GRM5: variants seen among roughly 807,000 people sequenced by gnomAD.
GRM5 encodes metabotropic glutamate receptor 5.
Under a neutral mutation model 83.1 loss-of-function variants are expected in GRM5, and 19 were observed. That is an observed-to-expected ratio of 0.23 (90% CI 0.16 to 0.34). The LOEUF is 0.34. Ranked by LOEUF, GRM5 falls within the 10% of genes least tolerant of loss-of-function variation. GRM5 has a pLI of 1.00. For synonymous variants in GRM5, 675 were observed against 633.6 expected, an observed-to-expected ratio of 1.07 and a Z score of -0.98; for missense variants, 1,160 against 1,588.3, an observed-to-expected ratio of 0.73 and a Z score of 4.58.
intron 2 of GRM5, among the ~76,000 whole-genome samples, chr11:89,017,550 C>T (rs1313657809): frequency 3.9e-5 from 6 of 152,130 alleles, no homozygotes; most frequent in Admixed American, 3.9e-4. Flanking sequence ...ATGACTTAAT[C>T]CTTCCAACAA....
At chr11:88,649,286 TAATA>T (rs1340159470) in intron 4 of GRM5, among the ~76,000 whole-genome samples, 1 of 56,020 alleles carries the variant, frequency 1.8e-5, no homozygotes, top group Non-Finnish European at 8.2e-5. Flanking sequence ...TATATATATG[TAATA>T]CATATATATT....
intron 1 of GRM5, among the ~76,000 whole-genome samples, chr11:89,058,036 T>C (rs1441033712): frequency 6.6e-6 from 1 of 152,042 alleles, no homozygotes; most frequent in Non-Finnish European, 1.5e-5. Flanking sequence ...CAACTATATT[T>C]GGCTCCAAAG....
chr11:88,919,769 G>A (rs1322290456), intron 2 of GRM5, among the ~76,000 whole-genome samples: 3 of 151,822 alleles, frequency 2.0e-5, no homozygotes, highest in Admixed American at 6.6e-5. Context: ...ATAAAAACAC[G>A]TGGAAATTAA....
intron 1 of GRM5, among the ~76,000 whole-genome samples, chr11:89,058,502 T>C (rs753288108): frequency 2.0e-5 from 3 of 152,142 alleles, no homozygotes; most frequent in Non-Finnish European, 2.9e-5. Flanking sequence ...AAGATCGACA[T>C]AGTCATGAAA....
At chr11:88,814,977 C>A (rs1292842105) in intron 3 of GRM5, among the ~76,000 whole-genome samples, 2 of 152,056 alleles carry the variant, frequency 1.3e-5, no homozygotes, top group Admixed American at 1.3e-4. Context: ...AATTCACAAG[C>A]ACAGTCATAA....
intron 2 of GRM5, among the ~76,000 whole-genome samples, chr11:88,985,464 G>C (rs1324768587): frequency 1.3e-5 from 2 of 152,158 alleles, no homozygotes; most frequent in East Asian, 3.9e-4. Flanking sequence ...TCACAGTTGA[G>C]CTTACCCCAT....
intron 2 of GRM5, among the ~76,000 whole-genome samples, chr11:89,025,420 C>A (rs1247764929): frequency 6.6e-6 from 1 of 151,990 alleles, no homozygotes; most frequent in Non-Finnish European, 1.5e-5. Context: ...AAGGTTAATG[C>A]AGACATAAGG....
chr11:88,941,340 T>C (rs1237284189), intron 2 of GRM5, among the ~76,000 whole-genome samples: 1 of 149,368 alleles, frequency 6.7e-6, no homozygotes, highest in Non-Finnish European at 1.5e-5. Context: ...CATAACACAT[T>C]TGAACTTAAA....
chr11:88,793,022 C>T (rs1272968034), intron 3 of GRM5, among the ~76,000 whole-genome samples: 1 of 151,888 alleles, frequency 6.6e-6, no homozygotes. Context: ...ATTTCTGATA[C>T]TATTTAGAGT....
chr11:88,702,294 A>G (rs189176087), intron 3 of GRM5, among the ~76,000 whole-genome samples: 1 of 152,064 alleles, frequency 6.6e-6, no homozygotes, highest in Non-Finnish European at 1.5e-5. Context: ...AGGAATAAAT[A>G]CCTCAAACTG....
intron 2 of GRM5, among the ~76,000 whole-genome samples, chr11:88,900,983 T>C (rs1259929624): frequency 6.6e-6 from 1 of 152,212 alleles, no homozygotes; most frequent in Non-Finnish European, 1.5e-5. Context: ...TCTGTAAATT[T>C]TGTTAAAGGT....
chr11:88,743,241 G>T (rs1942064309), intron 3 of GRM5, among the ~76,000 whole-genome samples: 1 of 152,062 alleles, frequency 6.6e-6, no homozygotes, highest in South Asian at 2.1e-4. Context: ...AATGTGTAAA[G>T]CTCTGAGGAA....
At chr11:89,060,045 A>G (rs1941957597) in intron 1 of GRM5, among the ~76,000 whole-genome samples, 2 of 152,128 alleles carry the variant, frequency 1.3e-5, no homozygotes, top group Admixed American at 1.3e-4. Context: ...AAACCCAGGC[A>G]ATTTGAAGCC....
intron 3 of GRM5, among the ~76,000 whole-genome samples, chr11:88,757,981 A>C (rs1249723168): frequency 6.6e-6 from 1 of 152,142 alleles, no homozygotes; most frequent in Non-Finnish European, 1.5e-5. Context: ...CAGGAGATGG[A>C]AGCTGAGCCT....
chr11:88,920,295 A>AAAC (rs1228720046), intron 2 of GRM5, among the ~76,000 whole-genome samples: 1 of 151,948 alleles, frequency 6.6e-6, no homozygotes, highest in African/African-American at 2.4e-5. Context: ...AACCTAGAGG[A>AAAC]AACAGGTAAA....
intron 2 of GRM5, among the ~76,000 whole-genome samples, chr11:88,966,912 G>T (rs1319865643): frequency 2.6e-5 from 4 of 152,076 alleles, no homozygotes; most frequent in Non-Finnish European, 5.9e-5. Flanking sequence ...ATCTTTAGCA[G>T]TGTGTATGGC....
chr11:88,699,270 A>G (rs1429071700), intron 3 of GRM5, among the ~76,000 whole-genome samples: 5 of 152,166 alleles, frequency 3.3e-5, no homozygotes, highest in East Asian at 1.9e-4. Context: ...ACTTTTCACT[A>G]CAGCATTTTT....
intron 2 of GRM5, among the ~76,000 whole-genome samples, chr11:88,919,369 C>A (rs1590964287): frequency 1.3e-5 from 2 of 149,158 alleles, no homozygotes; most frequent in African/African-American, 4.9e-5. Flanking sequence ...AATATATATG[C>A]GCCTAACACT....
At chr11:88,834,368 A>G (rs1944054263) in intron 3 of GRM5, among the ~76,000 whole-genome samples, 2 of 152,242 alleles carry the variant, frequency 1.3e-5, no homozygotes, top group Non-Finnish European at 2.9e-5. Flanking sequence ...GTAAATTGAG[A>G]GAATCTCTAT....
Sources: allele counts gnomAD v4.1 joint callset (sites outside exome capture counted in the v4.1 genomes callset), GRCh38; gene constraint gnomAD v4.1.1; transcripts MANE v1.5; gene names NCBI Gene and HGNC (gene_info 2026-07-23, HGNC 2026-07-21).